The following KCNN1 variants were observed in gnomAD, a reference collection of about 807,000 sequenced individuals.
KCNN1 encodes small conductance calcium-activated potassium channel protein 1.
In KCNN1, 20 loss-of-function variants were observed where a neutral mutation model predicts 44.7. The ratio of observed to expected loss-of-function variants is 0.45; its 90% CI spans 0.32 to 0.65. The LOEUF is 0.65. Ranked by LOEUF, KCNN1 falls within the 30% of genes least tolerant of loss-of-function variation. The pLI, the probability that KCNN1 is intolerant of heterozygous loss-of-function variation, is 0.05. For missense variants in KCNN1, 632 were observed against 785.3 expected (o/e 0.80, Z 2.33); for synonymous variants, 324 against 341.7 (o/e 0.95, Z 0.57).
In KCNN1 at chr19:17,955,171, C is replaced by A. The variant is rs1947898513; in HGVS notation, c.-82+490C>A. ...GGTGGGAGTATCGAGTCCAGGAGTT[C>A]GAGGCTGCAGTGAGCTATGATCACG... is the stretch of plus-strand genomic sequence containing the variant. On this transcript the variant is annotated intron_variant, in intron 2 of 10. Transcript: ENST00000222249. 5.4e-5 allele frequency among the ~76,000 whole-genome samples: 8 copies of A among 148,742 alleles called. No homozygotes were observed. In the South Asian group the frequency reaches 1.7e-3, roughly 32 times the overall value.
rs2032891375 is a variant in KCNN1 at position 17,993,889 on chromosome 19, G to A, written c.1377+330G>A. On this transcript the variant is annotated intron_variant, in intron 9 of 9. Coordinates refer to ENST00000684775, the MANE Select transcript of KCNN1 (RefSeq NM_001386974.1). This position sits in a 1 kb window ranked among gnomAD's most constrained non-coding sequence, Gnocchi z 4.5. ...GGCACCACTGCAGTCCAGCCTGGGT[G>A]ACAGAGTGACACCCTGTCTCAAAAA... Among the ~76,000 whole-genome samples, 1 of 151,994 alleles carries A rather than the reference G, an allele frequency of 6.6e-6. No individual in the cohort carries two copies.
In KCNN1 at chr19:17,982,095, C is replaced by G. The variant is rs1307353709; in HGVS notation, c.885C>G (p.Ile295Met). ...VLLVFSISSWIIAAWTVRVCE... is the reference protein window; with the variant it reads ...VLLVFSISSWMIAAWTVRVCE... The stretch of plus-strand genomic sequence containing the variant: ...TGGTCTTCAGCATCTCCTCCTGGAT[C>G]ATCGCAGCCTGGACCGTGCGCGTCT... Residue 295 changes from isoleucine to methionine, a missense_variant, in exon 4 of 10, where the codon ATC (isoleucine) becomes ATG (methionine). Coordinates refer to ENST00000684775, the MANE Select transcript of KCNN1 (RefSeq NM_001386974.1). The G allele has an allele frequency of 6.2e-7, 1 of 1,601,468 alleles. No individual in the cohort carries two copies. Among genetic ancestry groups the G allele is most frequent in the Admixed American group, 1.7e-5 (1 of 59,108 alleles).
rs2145929090 is a variant in KCNN1, at chr19:17,974,994, A to G, written c.403-98A>G. ...GAAGCCACTGGGAAGAGCCCCATTT[A>G]GCTGACTCCCATGCCCGGGAGCCAG... is the stretch of plus-strand genomic sequence containing the variant. On this transcript the variant is annotated intron_variant, in intron 2 of 9. Transcript: ENST00000684775. The surrounding 1 kb of genome is among the most constrained non-coding windows in gnomAD (Gnocchi z 7.3). The G allele has an allele frequency of 1.2e-6, 1 of 859,054 alleles. No homozygotes were observed. The highest frequency in any genetic ancestry group is 2.0e-6 in the Non-Finnish European group (1 of 508,378). The allele number at this position is 859,054 out of a possible 1,614,324, so 53.2% of individuals were successfully genotyped here.
chr19:17,989,352 G>A (rs2032710202), intron 6 of KCNN1, among the ~76,000 whole-genome samples: 1 of 152,148 alleles, frequency 6.6e-6, no homozygotes, highest in African/African-American at 2.4e-5. Context: ...CAGCTACTAG[G>A]GAGAGTGAGG....
intron 2 of KCNN1, among the ~76,000 whole-genome samples, chr19:17,959,467 AG>A (rs1261895326): frequency 1.3e-5 from 2 of 152,020 alleles, no homozygotes; most frequent in Admixed American, 1.3e-4. Context: ...CATGTTGGCC[AG>A]GCTGGTCTTG....
chr19:17,951,665 G>T (rs866632113), intron 1 of KCNN1, among the ~76,000 whole-genome samples: 2 of 152,160 alleles, frequency 1.3e-5, no homozygotes, highest in Admixed American at 1.3e-4. Context: ...ATGAAATAGA[G>T]AAGTTTTCTG....
At chr19:17,975,306 A>G in intron 3 of KCNN1, 119 bp downstream of exon 3, 1 of 656,036 alleles carries the variant, frequency 1.5e-6, no homozygotes, top group Non-Finnish European at 2.7e-6. Context: ...GGCTTCTGAT[A>G]GAAAAAAGAT....
rs202142379 is a variant in KCNN1 at position 17,961,185 on chromosome 19, C to CAAA, written c.-82+6523_-82+6525dup. 1.4e-3 allele frequency among the ~76,000 whole-genome samples: 131 copies of CAAA among 91,342 alleles called. 1 individual carries two copies. Among genetic ancestry groups the CAAA allele is most frequent in the African/African-American group, 4.9e-3 (113 of 23,170 alleles). The allele number at this position is 91,342 out of a possible 152,430, so 59.9% of individuals were successfully genotyped here. ...TGGGCAACAGAGTGAGACTCTGACTCAAAAAAAAAAAAAAAAAAAAACCCA... is the reference window on the plus strand; with the variant it reads ...TGGGCAACAGAGTGAGACTCTGACTCAAAAAAAAAAAAAAAAAAAAAAAACCCA... On this transcript the variant is annotated intron_variant, in intron 2 of 10. Transcript: ENST00000222249.
chr19:17,980,091 T>C (rs2032349154), intron 3 of KCNN1, among the ~76,000 whole-genome samples: 2 of 149,024 alleles, frequency 1.3e-5, no homozygotes, highest in African/African-American at 2.5e-5. Context: ...GAGACAAGAG[T>C]CTCACTCTGT....
chr19:17,995,626 C>A (rs756833740), intron 9 of KCNN1, among the ~76,000 whole-genome samples: 2 of 151,560 alleles, frequency 1.3e-5, no homozygotes, highest in South Asian at 4.2e-4. Flanking sequence ...CACTCTGTTG[C>A]CCAGGCTGGA....
At chr19:17,994,352 C>T (rs907037969) in intron 9 of KCNN1, among the ~76,000 whole-genome samples, 6 of 150,862 alleles carry the variant, frequency 4.0e-5, no homozygotes, top group African/African-American at 1.5e-4. Flanking sequence ...GAGGCTGAGG[C>T]GGGAGAATCA....
chr19:17,968,380 C>T (rs1438431527), intron 1 of KCNN1, among the ~76,000 whole-genome samples: 2 of 146,176 alleles, frequency 1.4e-5, no homozygotes, highest in African/African-American at 2.5e-5. Context: ...ATTTGCCATG[C>T]GAGATCTTAC....
Position 17,987,917 on chromosome 19 carries a change from T to G in KCNN1, c.1060-498T>G, listed in dbSNP as rs1599372006. 5.0e-5 allele frequency among the ~76,000 whole-genome samples: 7 copies of G among 140,690 alleles called. 1 individual carries two copies. In the South Asian group the frequency reaches 6.8e-4, roughly 14 times the overall value. 92.3% of individuals were successfully genotyped at this position (140,690 alleles called of 152,430 possible). ...CAGCACTTTGGGAGGCCAAGGCGGG[T>G]GGATCACCTGTCAGGAGTTCGAGAC... On this transcript the variant is annotated intron_variant, in intron 5 of 9. Coordinates refer to ENST00000684775, the MANE Select transcript of KCNN1 (RefSeq NM_001386974.1).
chr19:17,970,400 C>G (rs548860490), intron 1 of KCNN1, among the ~76,000 whole-genome samples: 21 of 134,770 alleles, frequency 1.6e-4, no homozygotes, highest in Non-Finnish European at 3.1e-4. Context: ...TCACTGCAAC[C>G]TCCACTTCCC....
At chr19:17,960,231 T>C (rs908109164) in intron 2 of KCNN1, among the ~76,000 whole-genome samples, 1 of 152,214 alleles carries the variant, frequency 6.6e-6, no homozygotes, top group African/African-American at 2.4e-5. Context: ...TATCATTGCC[T>C]TGCAGAGGAA....
upstream of KCNN1, among the ~76,000 whole-genome samples, chr19:17,964,926 G>A (rs922433741): frequency 6.6e-6 from 1 of 152,152 alleles, no homozygotes; most frequent in Non-Finnish European, 1.5e-5. This position sits in a 1 kb window ranked among gnomAD's most constrained non-coding sequence, Gnocchi z 4.3. Flanking sequence ...GGGCAGTGGA[G>A]TGCTGTGGCT....
chr19:17,977,904 C>T (rs2032258728), intron 3 of KCNN1, among the ~76,000 whole-genome samples: 1 of 151,998 alleles, frequency 6.6e-6, no homozygotes, highest in African/African-American at 2.4e-5. Context: ...TGCATGCTTC[C>T]ATTTATGTGA....
chr19:17,971,216 C>T lies in KCNN1; in HGVS notation c.-81-2592C>T, dbSNP rs180738116. ...CTCATCTTGCTGTGTCCTGGAATGA[C>T]GATCTGCTAGTCTGTCACCCCCAGT... On this transcript the variant is annotated intron_variant, in intron 1 of 9. Coordinates refer to ENST00000684775, the MANE Select transcript of KCNN1 (RefSeq NM_001386974.1). 4.4e-3 allele frequency among the ~76,000 whole-genome samples: 663 copies of T among 152,182 alleles called. 7 individuals are homozygous for T. The highest frequency in any genetic ancestry group is 0.014 in the African/African-American group (587 of 41,522).
intron 2 of KCNN1, among the ~76,000 whole-genome samples, chr19:17,959,411 C>G (rs562814608): frequency 6.6e-6 from 1 of 152,054 alleles, no homozygotes; most frequent in South Asian, 2.1e-4. Context: ...GCACCTGCCA[C>G]CACGCCTGGC....
Sources: gnomAD v4.1 joint callset for allele counts (sites outside exome capture counted in the v4.1 genomes callset) on GRCh38, gnomAD v4.1.1 for gene constraint, Gnocchi (gnomAD v3.1) non-coding constraint, MANE v1.5 for transcripts, NCBI Gene and HGNC (gene_info 2026-07-23, HGNC 2026-07-21) for gene names.